Variants in MAGI2 observed in about 807,000 individuals in gnomAD.
MAGI2 encodes the protein membrane associated guanylate kinase, WW and PDZ domain containing 2, also known as membrane-associated guanylate kinase, WW and PDZ domain-containing protein 2.
A neutral mutation model predicts 133.3 loss-of-function variants in MAGI2; 35 were observed. That is an observed-to-expected ratio of 0.26 (90% CI 0.20 to 0.35). The LOEUF is 0.35. Among genes scored for constraint, MAGI2 ranks in the 10% least tolerant of loss-of-function variants. The pLI, the probability that MAGI2 is intolerant of heterozygous loss-of-function variation, is 1.00. For synonymous variants in MAGI2, 729 were observed against 710.6 expected, an observed-to-expected ratio of 1.03 and a Z score of -0.41; for missense variants, 1,636 against 1,863.4, an observed-to-expected ratio of 0.88 and a Z score of 2.25.
Position 78,584,421 on chromosome 7 carries a change from GAAAAAAAAAAA to G in MAGI2, c.538+42688_538+42698del, listed in dbSNP as rs57844382. 7.2e-3 allele frequency among the ~76,000 whole-genome samples: 608 copies of G among 83,996 alleles called. 6 individuals are homozygous for G. Among genetic ancestry groups the G allele is most frequent in the African/African-American group, 0.02 (462 of 23,170 alleles). 55.1% of individuals were successfully genotyped at this position (83,996 alleles called of 152,430 possible). On this transcript the variant is annotated intron_variant, in intron 3 of 21. Coordinates refer to ENST00000354212, the MANE Select transcript of MAGI2 (RefSeq NM_012301.4). ...GGTGACAGAGTGAGACTCCGTCTCAGAAAAAAAAAAAAAAAAAAAAAAAAAAAAAGAAACAA... is the reference window on the plus strand; with the variant it reads ...GGTGACAGAGTGAGACTCCGTCTCAGAAAAAAAAAAAAAAAAAAGAAACAA...
chr7:79,258,781 C>T (rs996453296), intron 1 of MAGI2, among the ~76,000 whole-genome samples: 1 of 152,150 alleles, frequency 6.6e-6, no homozygotes, highest in Non-Finnish European at 1.5e-5. Context: ...AGGCACATGC[C>T]TGCATGCTAG....
At chr7:79,101,342 G>T (rs930381957) in intron 1 of MAGI2, among the ~76,000 whole-genome samples, 1 of 152,126 alleles carries the variant, frequency 6.6e-6, no homozygotes, top group Non-Finnish European at 1.5e-5. Context: ...GGGCTGTGCA[G>T]CTGGTTGCTT....
At chr7:79,041,654 C>A (rs1811681047) in intron 1 of MAGI2, among the ~76,000 whole-genome samples, 2 of 151,860 alleles carry the variant, frequency 1.3e-5, no homozygotes, top group African/African-American at 4.8e-5. Context: ...ATAGATATTT[C>A]ATAACAAAAA....
At chr7:78,755,113 G>A (rs764950903) in intron 2 of MAGI2, among the ~76,000 whole-genome samples, 6 of 152,196 alleles carry the variant, frequency 3.9e-5, no homozygotes, top group African/African-American at 9.6e-5. Context: ...AGTTAGCAGA[G>A]CGTTTGAAGA....
chr7:78,194,739 C>A (rs909249301), intron 12 of MAGI2, 135 bp downstream of exon 12: 1 of 609,020 alleles, frequency 1.6e-6, no homozygotes, highest in Non-Finnish European at 2.5e-6. Context: ...TAATTTTAGA[C>A]CAGCTGGCTC....
At chr7:78,129,543 A>C (rs1033648745) in intron 18 of MAGI2, among the ~76,000 whole-genome samples, 1 of 152,232 alleles carries the variant, frequency 6.6e-6, no homozygotes, top group African/African-American at 2.4e-5. Context: ...AGAAATGATA[A>C]AACCAGACTG....
intron 1 of MAGI2, among the ~76,000 whole-genome samples, chr7:79,446,359 C>T (rs535387272): frequency 1.7e-3 from 261 of 152,138 alleles, no homozygotes; most frequent in Middle Eastern, 3.4e-3. Flanking sequence ...TCTCTCTTTG[C>T]ACTATAAAGG....
chr7:78,418,975 C>T (rs1798549828), intron 6 of MAGI2, among the ~76,000 whole-genome samples: 1 of 151,962 alleles, frequency 6.6e-6, no homozygotes, highest in African/African-American at 2.4e-5. Context: ...AGAAATTGCC[C>T]CTGCCAAAAT....
chr7:79,259,725 G>A (rs1034292068), intron 1 of MAGI2, among the ~76,000 whole-genome samples: 1 of 151,930 alleles, frequency 6.6e-6, no homozygotes, highest in Non-Finnish European at 1.5e-5. Context: ...CTTGATTTTT[G>A]TTTTATCAAT....
At chr7:78,313,304 C>T (rs936919491) in intron 9 of MAGI2, among the ~76,000 whole-genome samples, 8 of 151,822 alleles carry the variant, frequency 5.3e-5, no homozygotes, top group South Asian at 2.1e-4. Context: ...TGCAATATAT[C>T]TATGTAACAA....
chr7:78,930,164 A>T (rs1016484162), intron 2 of MAGI2, among the ~76,000 whole-genome samples: 3 of 152,266 alleles, frequency 2.0e-5, no homozygotes, highest in African/African-American at 7.2e-5. Flanking sequence ...CAAACCAAGC[A>T]TCAGTCTCCA....
intron 2 of MAGI2, among the ~76,000 whole-genome samples, chr7:78,924,881 C>G (rs980258407): frequency 6.7e-6 from 1 of 149,606 alleles, no homozygotes; most frequent in African/African-American, 2.5e-5. Context: ...TTATTAGGAA[C>G]AAAGCACTGG....
At chr7:79,155,051 A>G (rs1823632089) in intron 1 of MAGI2, among the ~76,000 whole-genome samples, 1 of 152,148 alleles carries the variant, frequency 6.6e-6, no homozygotes, top group African/African-American at 2.4e-5. Flanking sequence ...GTCTGTCTTC[A>G]TTATTTTGGG....
chr7:78,128,596 C>T (rs374152330), intron 18 of MAGI2, among the ~76,000 whole-genome samples: 58 of 150,624 alleles, frequency 3.9e-4, no homozygotes, highest in Admixed American at 1.3e-3. Context: ...AACTGGCTTA[C>T]GGTCTTACTG....
chr7:78,894,168 G>A (rs1334283240), intron 2 of MAGI2, among the ~76,000 whole-genome samples: 1 of 152,300 alleles, frequency 6.6e-6, no homozygotes, highest in South Asian at 2.1e-4. Context: ...TTGTGAGGCC[G>A]AGGCAGGCGG....
intron 2 of MAGI2, among the ~76,000 whole-genome samples, chr7:78,871,171 C>A (rs575333809): frequency 2.0e-5 from 3 of 151,754 alleles, no homozygotes; most frequent in African/African-American, 7.3e-5. Flanking sequence ...ACTAGCCGGG[C>A]GTGGTGGTGG....
At chr7:78,765,343 C>CGTTTTTTTTTT (rs71931638) in intron 2 of MAGI2, among the ~76,000 whole-genome samples, 1 of 89,056 alleles carries the variant, frequency 1.1e-5, no homozygotes. Flanking sequence ...TAGTGCACAT[C>CGTTTTTTTTTT]TTTTTTTTTT....
At chr7:78,632,756 C>T (rs778054933) in intron 2 of MAGI2, among the ~76,000 whole-genome samples, 7 of 152,034 alleles carry the variant, frequency 4.6e-5, no homozygotes, top group South Asian at 4.1e-4. Context: ...AAGAAAATGA[C>T]GAGGTTGTGG....
At chr7:78,427,527 T>C (rs1477274521) in intron 6 of MAGI2, among the ~76,000 whole-genome samples, 1 of 152,094 alleles carries the variant, frequency 6.6e-6, no homozygotes, top group African/African-American at 2.4e-5. Context: ...TCATCACAAT[T>C]ATGCATTTGT....
Sources: gnomAD v4.1 joint callset for allele counts (sites outside exome capture counted in the v4.1 genomes callset) on GRCh38, gnomAD v4.1.1 for gene constraint, MANE v1.5 for transcripts, NCBI Gene and HGNC (gene_info 2026-07-23, HGNC 2026-07-21) for gene names.